CACNA1E: variants seen among roughly 807,000 people sequenced by gnomAD.
The protein encoded by CACNA1E is voltage-dependent R-type calcium channel subunit alpha-1E.
A neutral mutation model predicts 259.2 loss-of-function variants in CACNA1E; 40 were observed. The observed-to-expected ratio is 0.15, with a 90% CI of 0.12 to 0.20. The LOEUF (loss-of-function observed/expected upper bound fraction) is 0.20, where lower values mean the gene tolerates loss of function less well. Among genes scored for constraint, CACNA1E ranks in the 10% least tolerant of loss-of-function variants. CACNA1E has a pLI of 1.00. For missense variants in CACNA1E, 1,874 were observed against 3,040.1 expected, an observed-to-expected ratio of 0.62 and a Z score of 9.02; for synonymous variants, 1,104 against 1,138.5, an observed-to-expected ratio of 0.97 and a Z score of 0.61.
At chr1:181,469,372 C>G (rs1177402049) in intron 2 of CACNA1E, among the ~76,000 whole-genome samples, 1 of 152,030 alleles carries the variant, frequency 6.6e-6, no homozygotes, top group Non-Finnish European at 1.5e-5. Flanking sequence ...AAGTTTTGTG[C>G]CCGAGTTAGG....
chr1:181,554,043 C>G (rs984159123), intron 3 of CACNA1E, among the ~76,000 whole-genome samples: 1 of 152,166 alleles, frequency 6.6e-6, no homozygotes, highest in African/African-American at 2.4e-5. Context: ...TAGGGTTTCA[C>G]TCTGTCATGC....
At chr1:181,470,442 A>C (rs1558028873) in intron 2 of CACNA1E, among the ~76,000 whole-genome samples, 2 of 152,062 alleles carry the variant, frequency 1.3e-5, no homozygotes, top group African/African-American at 4.8e-5. Context: ...GGCTGATCTC[A>C]AACTCCTGGC....
At chr1:181,684,936 A>T (rs1368327216) in intron 7 of CACNA1E, among the ~76,000 whole-genome samples, 1 of 134,412 alleles carries the variant, frequency 7.4e-6, no homozygotes, top group Non-Finnish European at 1.6e-5. Flanking sequence ...GGTAATTCTG[A>T]TTTGTGATTG....
intron 6 of CACNA1E, among the ~76,000 whole-genome samples, chr1:181,592,151 C>A (rs75975691): frequency 1.3e-5 from 2 of 152,316 alleles, no homozygotes; most frequent in Admixed American, 1.3e-4. Context: ...CCTTCTCCCC[C>A]AGACCTAAAT....
At position 181,733,602 on chromosome 1, in the gene CACNA1E, G is replaced by A; in HGVS notation, c.3114G>A (p.Val1038=). ...GSSEQALLGN[V]QLDMGRVISQ... Reference sequence around the variant, plus strand: ...GTGAGCAGGCCCTGCTGGGGAATGTGCAGCTAGACATGGGCCGGGTCATCA... The same window carrying A: ...GTGAGCAGGCCCTGCTGGGGAATGTACAGCTAGACATGGGCCGGGTCATCA... The change falls in exon 21 of 48, where the codon GTG becomes GTA. Residue 1038 remains valine, a synonymous_variant. Transcript: ENST00000367573. 6.2e-7 allele frequency: 1 copy of A among 1,613,008 alleles called. No homozygotes were observed. Among genetic ancestry groups the A allele is most frequent in the Non-Finnish European group, 8.5e-7 (1 of 1,179,490 alleles).
At chr1:181,379,063 G>A (rs1478417065) in intron 1 of CACNA1E, among the ~76,000 whole-genome samples, 1 of 151,980 alleles carries the variant, frequency 6.6e-6, no homozygotes, top group Non-Finnish European at 1.5e-5. Flanking sequence ...TAGTAGACAA[G>A]GACATTAAAA....
intron 1 of CACNA1E, among the ~76,000 whole-genome samples, chr1:181,504,021 T>C (rs766688669): frequency 6.6e-6 from 1 of 152,250 alleles, no homozygotes; most frequent in Non-Finnish European, 1.5e-5. Flanking sequence ...TTAAGGCTCT[T>C]TCTCTGTTAC....
intron 1 of CACNA1E, among the ~76,000 whole-genome samples, chr1:181,361,028 A>T (rs1653850681): frequency 6.6e-6 from 1 of 152,148 alleles, no homozygotes; most frequent in Non-Finnish European, 1.5e-5. Flanking sequence ...TTAGGGACCT[A>T]GTACATCTTT....
rs756886743 is a variant in CACNA1E at position 181,484,024 on chromosome 1, C to T, written c.266+14C>T. On this transcript the variant is annotated intron_variant, in intron 1 of 47. Transcript: ENST00000367573. Reference sequence around the variant, plus strand: ...CATCGATTGGCCATATCCTTTCTTGCCCACCATAACTCCCTCTCCCCCTTT... The same window carrying T: ...CATCGATTGGCCATATCCTTTCTTGTCCACCATAACTCCCTCTCCCCCTTT... 4 of 1,610,254 alleles carry T rather than the reference C, an allele frequency of 2.5e-6. No individual in the cohort carries two copies. Among genetic ancestry groups the T allele is most frequent in the Non-Finnish European group, 2.5e-6 (3 of 1,177,088 alleles).
chr1:181,781,196 T>G (rs1660396264), intron 38 of CACNA1E, among the ~76,000 whole-genome samples: 1 of 151,868 alleles, frequency 6.6e-6, no homozygotes, highest in South Asian at 2.1e-4. Flanking sequence ...CAGGATGGAG[T>G]CATGTCTACG....
At chr1:181,610,149 A>G (rs1260121045) in intron 6 of CACNA1E, among the ~76,000 whole-genome samples, 1 of 152,192 alleles carries the variant, frequency 6.6e-6, no homozygotes, top group Non-Finnish European at 1.5e-5. Flanking sequence ...CCTATGTTGT[A>G]CAAGAGAAAG....
Position 181,697,040 on chromosome 1 carries a change from G to C in CACNA1E, c.1056-13914G>C, listed in dbSNP as rs570206660. 2.7e-3 allele frequency among the ~76,000 whole-genome samples: 410 copies of C among 152,334 alleles called. 5 individuals are homozygous for C. The highest frequency in any genetic ancestry group is 9.5e-3 in the African/African-American group (394 of 41,586). ...GAGCAGGATGAGGAAGAGATACTCT[G>C]TAGTGGAGTTCAGGGGCTTTTCTGA... On this transcript the variant is annotated intron_variant, in intron 7 of 47. Coordinates refer to ENST00000367573, the MANE Select transcript of CACNA1E (RefSeq NM_001205293.3).
intron 2 of CACNA1E, among the ~76,000 whole-genome samples, chr1:181,461,336 T>TTG (rs1231445268): frequency 1.3e-5 from 2 of 151,648 alleles, no homozygotes; most frequent in African/African-American, 4.9e-5. Context: ...GGTCAGGAGA[T>TTG]CGAGACCATC....
At chr1:181,764,748 G>T (rs1658882248) in intron 34 of CACNA1E, among the ~76,000 whole-genome samples, 1 of 152,086 alleles carries the variant, frequency 6.6e-6, no homozygotes, top group Non-Finnish European at 1.5e-5. Context: ...AGGTGATTTT[G>T]GATTTAGAAT....
At chr1:181,354,245 G>A (rs1395564407) in intron 1 of CACNA1E, among the ~76,000 whole-genome samples, 1 of 151,724 alleles carries the variant, frequency 6.6e-6, no homozygotes, top group Non-Finnish European at 1.5e-5. Context: ...ATATGTATCG[G>A]GTACCCATCG....
intron 1 of CACNA1E, among the ~76,000 whole-genome samples, chr1:181,380,383 C>T (rs1250435213): frequency 6.6e-6 from 1 of 151,870 alleles, no homozygotes; most frequent in Non-Finnish European, 1.5e-5. Flanking sequence ...CAAAGTAAAC[C>T]CAAAGTAAGT....
chr1:181,362,737 A>G (rs1653978162), intron 1 of CACNA1E, among the ~76,000 whole-genome samples: 1 of 152,210 alleles, frequency 6.6e-6, no homozygotes, highest in African/African-American at 2.4e-5. Context: ...GTGAAATATG[A>G]TGGGAATAAG....
chr1:181,401,875 G>A (rs1657125736), intron 1 of CACNA1E, among the ~76,000 whole-genome samples: 1 of 152,200 alleles, frequency 6.6e-6, no homozygotes, highest in Admixed American at 6.5e-5. Flanking sequence ...TGGCTGTTAA[G>A]TGGCCCAGCT....
chr1:181,344,809 C>A (rs1652461008), intron 1 of CACNA1E, among the ~76,000 whole-genome samples: 1 of 152,208 alleles, frequency 6.6e-6, no homozygotes, highest in African/African-American at 2.4e-5. Flanking sequence ...GCCTGGGAAC[C>A]TGAAGTCTTT....
Sources: gnomAD v4.1 joint callset for allele counts (sites outside exome capture counted in the v4.1 genomes callset) on GRCh38, gnomAD v4.1.1 for gene constraint, MANE v1.5 for transcripts, NCBI Gene and HGNC (gene_info 2026-07-23, HGNC 2026-07-21) for gene names.